The following AMZ2 variants were observed in gnomAD, a reference collection of about 807,000 sequenced individuals.
The protein encoded by AMZ2 is archaemetzincin-2.
AMZ2 carries 26 observed loss-of-function variants against 36.7 expected under a neutral mutation model. That is an observed-to-expected ratio of 0.71 (90% CI 0.52 to 0.98). The LOEUF (loss-of-function observed/expected upper bound fraction) is 0.98. Among genes scored for constraint, AMZ2 ranks in the 50% least tolerant of loss-of-function variants. AMZ2 has a pLI of 0.00. For synonymous variants in AMZ2, 144 were observed against 149.1 expected (o/e 0.97, Z 0.25); for missense variants, 394 against 430.5 (o/e 0.92, Z 0.75).
chr17:68,242,007 G>C (rs1327726412), intron 1 of AMZ2, among the ~76,000 whole-genome samples: 2 of 151,362 alleles, frequency 1.3e-5, no homozygotes, highest in Non-Finnish European at 2.9e-5. Context: ...GGCTCCCAAA[G>C]TGCTGGGATT....
chr17:68,216,061 AT>A (rs1359576075), intron 1 of AMZ2, among the ~76,000 whole-genome samples: 1 of 152,232 alleles, frequency 6.6e-6, no homozygotes, highest in African/African-American at 2.4e-5. Context: ...TGTCCTAAGC[AT>A]TTTATGTATT....
At chr17:68,222,308 G>C (rs1555728771) in intron 1 of AMZ2, among the ~76,000 whole-genome samples, 3 of 152,188 alleles carry the variant, frequency 2.0e-5, no homozygotes, top group Non-Finnish European at 2.9e-5. Flanking sequence ...AAGCTCAGTG[G>C]AGAGGTCTGA....
chr17:68,208,047 C>T (rs767369197), intron 1 of AMZ2, among the ~76,000 whole-genome samples: 1 of 152,196 alleles, frequency 6.6e-6, no homozygotes, highest in Non-Finnish European at 1.5e-5. Context: ...TAGCTGCCTT[C>T]CCACGGGGCA....
chr17:68,207,902 G>A (rs2072890842), intron 1 of AMZ2, among the ~76,000 whole-genome samples: 2 of 152,128 alleles, frequency 1.3e-5, no homozygotes, highest in Non-Finnish European at 1.5e-5. Flanking sequence ...GTGCTTGCGG[G>A]CCAGCGTGAG....
intron 1 of AMZ2, among the ~76,000 whole-genome samples, chr17:68,238,719 C>T (rs782533942): frequency 2.0e-5 from 3 of 152,032 alleles, no homozygotes; most frequent in Non-Finnish European, 4.4e-5. Context: ...GACTGCTTTG[C>T]GATTTGTAGC....
At chr17:68,227,876 A>G (rs2005775) in intron 1 of AMZ2, among the ~76,000 whole-genome samples, 54,163 of 152,038 alleles carry the variant, frequency 0.36, 9,925 homozygotes, top group East Asian at 0.51. Flanking sequence ...GGGCCCACCC[A>G]TGTAATCCAG....
intron 1 of AMZ2, among the ~76,000 whole-genome samples, chr17:68,240,491 A>T (rs1234177412): frequency 6.6e-6 from 1 of 152,242 alleles, no homozygotes; most frequent in Non-Finnish European, 1.5e-5. Flanking sequence ...AGAGAGAGGA[A>T]AATCTGAGGA....
Position 68,256,840 on chromosome 17 carries a change from A to T in AMZ2, c.954A>T (p.Glu318Asp), listed in dbSNP as rs782316943. 6.2e-7 allele frequency: 1 copy of T among 1,613,528 alleles called. No homozygotes were observed. The highest frequency in any genetic ancestry group is 1.7e-5 in the Admixed American group (1 of 59,876). Reference protein sequence around the residue: ...YKALVRWIDDESSDTPGATPE... With the variant: ...YKALVRWIDDDSSDTPGATPE... ...CACTGGTGAGGTGGATTGATGATGAATCTTCTGACACACCTGGAGCAACTC... is the reference window on the plus strand; with the variant it reads ...CACTGGTGAGGTGGATTGATGATGATTCTTCTGACACACCTGGAGCAACTC... The change falls in exon 7 of 7, where the codon GAA becomes GAT. Residue 318 changes from glutamate to aspartate, a missense_variant. By Grantham distance (45) the Glu-to-Asp change is conservative. Transcript: ENST00000359904.
chr17:68,217,246 A>G (rs2073222465), intron 1 of AMZ2, among the ~76,000 whole-genome samples: 1 of 152,146 alleles, frequency 6.6e-6, no homozygotes, highest in Non-Finnish European at 1.5e-5. Flanking sequence ...CTGTGGGTGA[A>G]TTTTTGATAC....
intron 5 of AMZ2, 52 bp from the exon 6 acceptor site, chr17:68,255,648 G>T: frequency 2.6e-6 from 4 of 1,558,084 alleles, no homozygotes; most frequent in Non-Finnish European, 3.5e-6. Flanking sequence ...GAAGAGACGT[G>T]TAGCCTAATG....
chr17:68,226,126 G>A (rs1397105064), intron 1 of AMZ2, among the ~76,000 whole-genome samples: 4 of 152,094 alleles, frequency 2.6e-5, no homozygotes, highest in Non-Finnish European at 4.4e-5. Flanking sequence ...CGACTGGCCC[G>A]AAGTGGATTT....
chr17:68,256,711 T>A (rs564385238), intron 6 of AMZ2, 103 bp from the exon 7 acceptor site: 1 of 1,172,614 alleles, frequency 8.5e-7, no homozygotes, highest in Non-Finnish European at 1.2e-6. Flanking sequence ...AGCGTCTTCA[T>A]GGGGTAATAT....
At chr17:68,220,204 T>C (rs1161595663) in intron 1 of AMZ2, among the ~76,000 whole-genome samples, 6 of 152,254 alleles carry the variant, frequency 3.9e-5, no homozygotes, top group Non-Finnish European at 8.8e-5. Flanking sequence ...GTCTTCTTTA[T>C]ACTTCTCTGT....
At chr17:68,252,320 A>T (rs1156589908) in intron 4 of AMZ2, among the ~76,000 whole-genome samples, 1 of 152,094 alleles carries the variant, frequency 6.6e-6, no homozygotes, top group African/African-American at 2.4e-5. Context: ...TTACTCCTTT[A>T]TTCTTTATTC....
intron 1 of AMZ2, among the ~76,000 whole-genome samples, chr17:68,220,782 C>CTCTTT (rs2073329110): frequency 7.6e-6 from 1 of 131,838 alleles, no homozygotes; most frequent in East Asian, 2.2e-4. Context: ...TTTTCTTTCT[C>CTCTTT]TTTTTTTTTT....
At chr17:68,217,341 C>T (rs61038561) in intron 1 of AMZ2, among the ~76,000 whole-genome samples, 5,742 of 152,160 alleles carry the variant, frequency 0.038, 345 homozygotes, top group African/African-American at 0.13. Flanking sequence ...TAAAACTGTT[C>T]ATTTAAGTTT....
chr17:68,220,003 G>C (rs2073305854), intron 1 of AMZ2, among the ~76,000 whole-genome samples: 1 of 152,146 alleles, frequency 6.6e-6, no homozygotes, highest in South Asian at 2.1e-4. Flanking sequence ...TCTGACTGTG[G>C]AGGAGTGGAG....
rs187675721 is a variant in AMZ2, at chr17:68,228,703, T to C, written c.-66-19937T>C. Among the ~76,000 whole-genome samples, 8 of 152,368 alleles carry C rather than the reference T, an allele frequency of 5.3e-5. No homozygotes were observed. In the East Asian group the frequency reaches 1.2e-3, roughly 22 times the overall value. On this transcript the variant is annotated intron_variant, in intron 1 of 7. Coordinates refer to the AMZ2 transcript ENST00000674770. ...AGCATTTATTGAGCATCTATTATTATGTGCTAGGGGCTGGGGAGCCCAAGA... is the reference window on the plus strand; with the variant it reads ...AGCATTTATTGAGCATCTATTATTACGTGCTAGGGGCTGGGGAGCCCAAGA...
chr17:68,254,211 C>T (rs2074718134), intron 4 of AMZ2, among the ~76,000 whole-genome samples, 193 bp from the exon 5 acceptor site: 1 of 152,170 alleles, frequency 6.6e-6, no homozygotes, highest in South Asian at 2.1e-4. Context: ...TGGATAGCAG[C>T]AAAAGATTTT....
Sources: allele counts gnomAD v4.1 joint callset (sites outside exome capture counted in the v4.1 genomes callset), GRCh38; gene constraint gnomAD v4.1.1; transcripts MANE v1.5; gene names NCBI Gene and HGNC (gene_info 2026-07-23, HGNC 2026-07-21).